Variants in GRIP2 observed in about 807,000 individuals in gnomAD.
GRIP2 encodes glutamate receptor interacting protein 2.
A neutral mutation model predicts 108.3 loss-of-function variants in GRIP2; 58 were observed. The observed-to-expected ratio is 0.54, with a 90% confidence interval of 0.43 to 0.67. GRIP2 has a LOEUF of 0.67. Among genes scored for constraint, GRIP2 ranks in the 30% least tolerant of loss-of-function variants. The probability of loss-of-function intolerance (pLI) is 0.00; values close to 1 mark genes in which losing one functional copy is unlikely to be tolerated. For synonymous variants in GRIP2, 586 were observed against 598.2 expected (o/e 0.98, Z 0.30); for missense variants, 1,278 against 1,430.6 (o/e 0.89, Z 1.72).
chr3:14,542,606 C>T (rs183409245), upstream of GRIP2, among the ~76,000 whole-genome samples: 72 of 152,266 alleles, frequency 4.7e-4, no homozygotes, highest in African/African-American at 1.7e-3. Context: ...CTTTTGTGGA[C>T]CCCCAAGCTC....
At position 14,493,829 on chromosome 3, in the gene GRIP2, G is replaced by A; in HGVS notation, c.2971-3C>T. ...TCCCGTGTACGGACGTGGTTGACCTGCATGGGGCACAAGCAAGGGAACAGA... is the reference window on the plus strand; with the variant it reads ...TCCCGTGTACGGACGTGGTTGACCTACATGGGGCACAAGCAAGGGAACAGA... On this transcript the variant is annotated splice_region_variant and splice_polypyrimidine_tract_variant and intron_variant, in intron 23 of 23. Coordinates refer to ENST00000621039, the MANE Select transcript of GRIP2 (RefSeq NM_001080423.4). 1 of 1,609,942 alleles carries A rather than the reference G, an allele frequency of 6.2e-7. No homozygotes were observed.
chr3:14,542,216 C>A, upstream of GRIP2: 1 of 445,704 alleles, frequency 2.2e-6, no homozygotes. Flanking sequence ...AGTGCAGTGG[C>A]GCAGTCTCCA....
chr3:14,548,971 G>T (rs1695100433), intron 1 of GRIP2, among the ~76,000 whole-genome samples: 1 of 152,144 alleles, frequency 6.6e-6, no homozygotes, highest in African/African-American at 2.4e-5. Flanking sequence ...GCCATGTGGG[G>T]TGTGTCTCCT....
chr3:14,533,871 C>T (rs1031840452), intron 1 of GRIP2, among the ~76,000 whole-genome samples: 2 of 152,318 alleles, frequency 1.3e-5, no homozygotes, highest in Non-Finnish European at 2.9e-5. Flanking sequence ...CATCTCTTTT[C>T]CCAGCTGTCA....
upstream of GRIP2, among the ~76,000 whole-genome samples, chr3:14,545,586 C>A (rs532347899): frequency 6.6e-6 from 1 of 152,226 alleles, no homozygotes. Context: ...TTGACACCCA[C>A]AATAGCTTCC....
Position 14,525,945 on chromosome 3 carries a change from A to T in GRIP2, c.41-14T>A. On this transcript the variant is annotated splice_polypyrimidine_tract_variant and intron_variant, in intron 1 of 23. Transcript: ENST00000621039. ...AGGGCCCATCGTCTGCAGGAGAGAA[A>T]GAGGGAAAGGCCGAGTTCCACTTTC... is the stretch of plus-strand genomic sequence containing the variant. 2 of 1,552,664 alleles carry T rather than the reference A, an allele frequency of 1.3e-6. No homozygotes were observed. The highest frequency in any genetic ancestry group is 1.7e-4 in the Middle Eastern group (1 of 5,962).
Position 14,493,681 on chromosome 3 carries a change from C to T in GRIP2, c.3116G>A (p.Ser1039Asn). Residue 1039 changes from serine (S) to asparagine (N), a missense_variant, in exon 24 of 24, where the codon AGT becomes AAT. Coordinates refer to ENST00000621039, the MANE Select transcript of GRIP2 (RefSeq NM_001080423.4). ...SRAPRSPGPS[S>N]PRML ...ATGCTGACTTCAGAGCATCCGGGGA[C>T]TGCTGGGGCCTGGCGATCGGGGGGC... The T allele has an allele frequency of 6.2e-7, 1 of 1,604,460 alleles. No homozygotes were observed. The highest frequency in any genetic ancestry group is 8.5e-7 in the Non-Finnish European group (1 of 1,175,950).
chr3:14,580,419 G>C, the GRIP2 span, among the ~76,000 whole-genome samples: 1 of 152,228 alleles, frequency 6.6e-6, no homozygotes, highest in South Asian at 2.1e-4. Flanking sequence ...GGCTGGGCTG[G>C]ACGCAATGGT....
In GRIP2 at chr3:14,502,503, A is replaced by AAAG. The variant is rs1553591688; in HGVS notation, c.2679+1062_2679+1063insCTT. On this transcript the variant is annotated intron_variant, in intron 21 of 23. Coordinates refer to ENST00000621039, the MANE Select transcript of GRIP2 (RefSeq NM_001080423.4). The stretch of plus-strand genomic sequence containing the variant: ...AGTGAGACTCTGTCTCAAAAAAAAA[A>AAAG]AGAGAGAGAGAGAGAGAAAATAACC... 2.0e-3 allele frequency among the ~76,000 whole-genome samples: 308 copies of AAAG among 151,630 alleles called. 1 individual carries two copies. The highest frequency in any genetic ancestry group is 3.4e-3 in the Middle Eastern group (1 of 294).
chr3:14,522,725 GGAAA>G lies in GRIP2; in HGVS notation c.566+271_566+274del. On this transcript the variant is annotated intron_variant, in intron 6 of 23. Transcript: ENST00000621039. This position sits in a 1 kb window ranked among gnomAD's most constrained non-coding sequence, Gnocchi z 4.3. ...CCACAGACGGGAAAACCAAGGAGCA[GGAAA>G]GGGAAGAACGACACCAAGGCTGCCC... 2.2e-6 allele frequency: 1 copy of G among 449,170 alleles called. No individual in the cohort carries two copies. Among genetic ancestry groups the G allele is most frequent in the Non-Finnish European group, 4.0e-6 (1 of 247,660 alleles). The allele number at this position is 449,170 out of a possible 1,614,324, so 27.8% of individuals were successfully genotyped here.
At position 14,511,211 on chromosome 3, in the gene GRIP2, G is replaced by T. The variant is rs199516851; in HGVS notation, c.1887C>A (p.Cys629Ter). Residue 629 changes from cysteine to a stop codon, truncating the protein, a stop_gained, in exon 16 of 24, where the codon TGC becomes TGA. Transcript: ENST00000621039. LOFTEE classifies it high-confidence loss of function. The surrounding 1 kb of genome is among the most constrained non-coding windows in gnomAD (Gnocchi z 4.1). ...MEDAVQILRQ[C>*]EDLVKLKIRK... Reference sequence around the variant, plus strand: ...GGATCTTCAGCTTCACCAGGTCCTCGCACTGCCGCAGGATTTGCACGGCGT... The same window carrying T: ...GGATCTTCAGCTTCACCAGGTCCTCTCACTGCCGCAGGATTTGCACGGCGT... 6.2e-7 allele frequency: 1 copy of T among 1,613,938 alleles called. No homozygotes were observed.
At chr3:14,579,687 C>CCCGCTCTGACACCTG in the GRIP2 span, among the ~76,000 whole-genome samples, 1 of 151,860 alleles carries the variant, frequency 6.6e-6, no homozygotes, top group Non-Finnish European at 1.5e-5. Flanking sequence ...GCCTTCACAA[C>CCCGCTCTGACACCTG]CCTGGGGAAA....
At chr3:14,573,249 T>G in the GRIP2 span, 1 of 1,408,590 alleles carries the variant, frequency 7.1e-7, no homozygotes, top group Admixed American at 1.8e-5. Context: ...GATGCCAAAC[T>G]GGGAGCCAGC....
chr3:14,585,498 C>A, the GRIP2 span, among the ~76,000 whole-genome samples: 2 of 152,210 alleles, frequency 1.3e-5, no homozygotes, highest in Non-Finnish European at 2.9e-5. Flanking sequence ...CCCATTAGGC[C>A]CCCACTTCTG....
the GRIP2 span, among the ~76,000 whole-genome samples, chr3:14,581,368 G>A: frequency 6.6e-6 from 1 of 152,292 alleles, no homozygotes. Context: ...CTGGCTTACG[G>A]ATGAGTTGGG....
intron 1 of GRIP2, among the ~76,000 whole-genome samples, chr3:14,533,578 G>A (rs1451271972): frequency 2.0e-5 from 3 of 152,170 alleles, no homozygotes; most frequent in Non-Finnish European, 4.4e-5. Context: ...ACCCCCAAGA[G>A]CTGGATGCTG....
At chr3:14,551,147 G>A (rs938800018) in intron 1 of GRIP2, among the ~76,000 whole-genome samples, 6 of 152,186 alleles carry the variant, frequency 3.9e-5, no homozygotes, top group African/African-American at 1.4e-4. Context: ...GTCAGCCTGA[G>A]TCCCTTGGCT....
the GRIP2 span, chr3:14,574,553 T>C: frequency 1.3e-6 from 1 of 741,654 alleles, no homozygotes; most frequent in Non-Finnish European, 2.5e-6. Context: ...CCTTGAGTGC[T>C]GCCTCTGATG....
chr3:14,585,966 A>T, the GRIP2 span, among the ~76,000 whole-genome samples: 4 of 152,138 alleles, frequency 2.6e-5, no homozygotes, highest in Admixed American at 1.3e-4. Flanking sequence ...AAGAAACCCA[A>T]ATTCCTTCCA....
Sources: gnomAD v4.1 joint callset for allele counts (sites outside exome capture counted in the v4.1 genomes callset) on GRCh38, gnomAD v4.1.1 for gene constraint, Gnocchi (gnomAD v3.1) non-coding constraint, MANE v1.5 for transcripts, NCBI Gene and HGNC (gene_info 2026-07-23, HGNC 2026-07-21) for gene names.